Variants in BCAS4 observed in about 807,000 individuals in gnomAD.
BCAS4 encodes breast carcinoma amplified sequence 4.
In BCAS4, 9 loss-of-function variants were observed where a neutral mutation model predicts 15.7. The ratio of observed to expected loss-of-function variants is 0.57; its 90% CI spans 0.34 to 1.00. The LOEUF (loss-of-function observed/expected upper bound fraction) is 1.00. Among genes scored for constraint, BCAS4 ranks in the 50% least tolerant of loss-of-function variants. The pLI is 0.02. For missense variants in BCAS4, 225 were observed against 239.1 expected (o/e 0.94, Z 0.39); for synonymous variants, 101 against 99.5 (o/e 1.02, Z -0.09).
chr20:50,811,336 G>T (rs1000076899), intron 1 of BCAS4, among the ~76,000 whole-genome samples: 1 of 152,080 alleles, frequency 6.6e-6, no homozygotes, highest in African/African-American at 2.4e-5. Flanking sequence ...CTGCACTCTA[G>T]CCTGGATGAC....
At chr20:50,859,093 G>T (rs1978930738) in intron 4 of BCAS4, among the ~76,000 whole-genome samples, 1 of 151,916 alleles carries the variant, frequency 6.6e-6, no homozygotes, top group Non-Finnish European at 1.5e-5. Context: ...GTGCCACCAT[G>T]CCCGGCTAAT....
At chr20:50,830,476 A>G in intron 3 of BCAS4, 96 bp downstream of exon 3, 2 of 929,248 alleles carry the variant, frequency 2.2e-6, no homozygotes, top group South Asian at 1.6e-5. Flanking sequence ...CATGTCAGGC[A>G]TTATGCCCAA....
intron 1 of BCAS4, among the ~76,000 whole-genome samples, chr20:50,803,638 A>G (rs1353139239): frequency 6.6e-6 from 1 of 151,958 alleles, no homozygotes; most frequent in East Asian, 1.9e-4. Context: ...AGCTCAGGAG[A>G]TCAAGACCAG....
chr20:50,819,851 CCTTT>C (rs1396022806), intron 2 of BCAS4, among the ~76,000 whole-genome samples: 9 of 152,044 alleles, frequency 5.9e-5, no homozygotes, highest in South Asian at 4.2e-4. Context: ...TTCCTTCCTT[CCTTT>C]CTTCCTTCCT....
chr20:50,806,220 C>T (rs1050115940), intron 1 of BCAS4, among the ~76,000 whole-genome samples: 2 of 152,128 alleles, frequency 1.3e-5, no homozygotes, highest in Non-Finnish European at 2.9e-5. Flanking sequence ...TCACAATTTT[C>T]AAATGGGGAG....
intron 4 of BCAS4, among the ~76,000 whole-genome samples, chr20:50,850,017 T>A (rs1978331745): frequency 6.6e-6 from 1 of 152,184 alleles, no homozygotes; most frequent in African/African-American, 2.4e-5. Context: ...GCAGCCAGCA[T>A]AGCCCCAGCT....
chr20:50,840,171 C>T (rs1375041283), intron 3 of BCAS4, among the ~76,000 whole-genome samples: 2 of 152,124 alleles, frequency 1.3e-5, no homozygotes, highest in Non-Finnish European at 2.9e-5. Flanking sequence ...GGTACCATGC[C>T]CAGCCAGAAT....
At chr20:50,876,417 C>T (rs557144956) in intron 4 of BCAS4, 69 bp from the exon 5 acceptor site, 96 of 1,578,186 alleles carry the variant, frequency 6.1e-5, no homozygotes, top group South Asian at 2.1e-4. Context: ...ACTTGTAGAC[C>T]GGGAATTCCT....
chr20:50,811,573 T>C (rs2088063231), intron 1 of BCAS4, among the ~76,000 whole-genome samples: 1 of 152,116 alleles, frequency 6.6e-6, no homozygotes, highest in Non-Finnish European at 1.5e-5. Context: ...CAATCACGAA[T>C]CTATTTCTTT....
chr20:50,881,789 T>A (rs2122708079), downstream of BCAS4: 1 of 152,182 alleles, frequency 6.6e-6, no homozygotes, highest in South Asian at 2.1e-4. Context: ...GGCACCCAAG[T>A]AGCTGGGATT....
At chr20:50,819,720 T>C (rs1359696676) in intron 2 of BCAS4, among the ~76,000 whole-genome samples, 1 of 152,242 alleles carries the variant, frequency 6.6e-6, no homozygotes, top group Non-Finnish European at 1.5e-5. Flanking sequence ...CAAGACAGGC[T>C]TTTAACAGCC....
chr20:50,830,670 C>T (rs572828652), intron 3 of BCAS4, among the ~76,000 whole-genome samples: 12 of 152,126 alleles, frequency 7.9e-5, no homozygotes, highest in African/African-American at 2.7e-4. Context: ...GGCAACATGG[C>T]GAAACCCCAT....
chr20:50,866,805 C>T (rs1345100970), intron 4 of BCAS4, among the ~76,000 whole-genome samples: 1 of 152,154 alleles, frequency 6.6e-6, no homozygotes, highest in African/African-American at 2.4e-5. Context: ...TGCCAATTCC[C>T]AGCTGAGTGG....
intron 3 of BCAS4, among the ~76,000 whole-genome samples, chr20:50,836,486 C>T (rs1214704727): frequency 6.6e-6 from 1 of 152,206 alleles, no homozygotes; most frequent in East Asian, 1.9e-4. Context: ...TCAGCAAGGA[C>T]AAACTATTAT....
intron 4 of BCAS4, among the ~76,000 whole-genome samples, chr20:50,864,461 CAG>C (rs1474068372): frequency 9.2e-4 from 121 of 131,708 alleles, no homozygotes; most frequent in African/African-American, 3.6e-3. Context: ...TTTTTTTTGA[CAG>C]AGTCTCTCTT....
chr20:50,859,788 G>A (rs1478380351), intron 4 of BCAS4, among the ~76,000 whole-genome samples: 1 of 152,190 alleles, frequency 6.6e-6, no homozygotes, highest in East Asian at 1.9e-4. Flanking sequence ...GGATGTGTGT[G>A]CGTGTTAATT....
At chr20:50,811,588 C>G (rs1477339415) in intron 1 of BCAS4, among the ~76,000 whole-genome samples, 1 of 152,152 alleles carries the variant, frequency 6.6e-6, no homozygotes, top group Non-Finnish European at 1.5e-5. Flanking sequence ...TTCTTTCTGT[C>G]TCTGTGGATT....
At chr20:50,855,428 C>G (rs1463553748) in intron 4 of BCAS4, among the ~76,000 whole-genome samples, 1 of 152,160 alleles carries the variant, frequency 6.6e-6, no homozygotes, top group Admixed American at 6.5e-5. Context: ...TGTCCCATGT[C>G]TCTCTGTGTG....
intron 1 of BCAS4, among the ~76,000 whole-genome samples, chr20:50,802,236 C>T (rs577329568): frequency 3.0e-4 from 46 of 152,130 alleles, no homozygotes; most frequent in African/African-American, 4.8e-4. Context: ...CACGTGGCTG[C>T]GGTGTTAGAA....
Sources: allele counts gnomAD v4.1 joint callset (sites outside exome capture counted in the v4.1 genomes callset), GRCh38; gene constraint gnomAD v4.1.1; transcripts MANE v1.5; gene names NCBI Gene and HGNC (gene_info 2026-07-23, HGNC 2026-07-21).